Variants in ZC3H3 observed in about 807,000 individuals in gnomAD.
The protein encoded by ZC3H3 is zinc finger CCCH-type containing 3, also known as zinc finger CCCH domain-containing protein 3.
Under a neutral mutation model 77.3 loss-of-function variants are expected in ZC3H3, and 36 were observed. The ratio of observed to expected loss-of-function variants is 0.47; its 90% confidence interval spans 0.36 to 0.61. The LOEUF (loss-of-function observed/expected upper bound fraction) is 0.61, where lower values mean the gene tolerates loss of function less well. ZC3H3 is among the 20% of genes least tolerant of loss of function. ZC3H3 has a pLI of 0.00. For missense variants in ZC3H3, 1,331 were observed against 1,312.2 expected (o/e 1.01, Z -0.22); for synonymous variants, 626 against 555.2 (o/e 1.13, Z -1.79).
intron 4 of ZC3H3, among the ~76,000 whole-genome samples, chr8:143,491,202 C>T (rs746045453): frequency 6.6e-5 from 10 of 152,192 alleles, no homozygotes; most frequent in Non-Finnish European, 1.5e-4. Flanking sequence ...GGGAATTCCA[C>T]GGATCCCACA....
chr8:143,537,625 G>A (rs1822844507), intron 2 of ZC3H3, among the ~76,000 whole-genome samples: 1 of 152,206 alleles, frequency 6.6e-6, no homozygotes, highest in South Asian at 2.1e-4. Flanking sequence ...CATCCCCCTG[G>A]GGACACATGG....
chr8:143,510,062 G>T (rs1821824986), intron 3 of ZC3H3, among the ~76,000 whole-genome samples: 1 of 152,314 alleles, frequency 6.6e-6, no homozygotes, highest in South Asian at 2.1e-4. Flanking sequence ...GCGGCACCAT[G>T]ATCACACTCC....
intron 9 of ZC3H3, among the ~76,000 whole-genome samples, chr8:143,453,849 A>T (rs1820047303): frequency 6.6e-6 from 1 of 152,190 alleles, no homozygotes; most frequent in Non-Finnish European, 1.5e-5. Context: ...AAGGGAGATG[A>T]GGGAAGGTAG....
intron 1 of ZC3H3, among the ~76,000 whole-genome samples, chr8:143,539,831 C>T (rs1408820225): frequency 6.6e-6 from 1 of 152,204 alleles, no homozygotes. Context: ...GAGCAGAGGC[C>T]ATTGCTCTGC....
chr8:143,489,038 C>T (rs953845407), intron 4 of ZC3H3, among the ~76,000 whole-genome samples: 19 of 152,058 alleles, frequency 1.2e-4, no homozygotes, highest in African/African-American at 4.4e-4. Flanking sequence ...CCAGTGGCAG[C>T]GCTGACCCCC....
chr8:143,512,214 TGGCTGTG>T (rs903832355), intron 3 of ZC3H3, among the ~76,000 whole-genome samples: 10 of 152,334 alleles, frequency 6.6e-5, no homozygotes, highest in African/African-American at 1.7e-4. Context: ...GGGTGACGGA[TGGCTGTG>T]GGCTGTGGGC....
chr8:143,539,412 C>T, intron 1 of ZC3H3, 92 bp from the exon 2 acceptor site: 1 of 1,268,302 alleles, frequency 7.9e-7, no homozygotes, highest in Non-Finnish European at 1.1e-6. Flanking sequence ...AAGATACCCC[C>T]AGATCCCATC....
chr8:143,491,006 G>GCGCCGTGC (rs1821185939), intron 4 of ZC3H3, among the ~76,000 whole-genome samples: 1 of 152,266 alleles, frequency 6.6e-6, no homozygotes, highest in Non-Finnish European at 1.5e-5. Context: ...CACCCAGGTA[G>GCGCCGTGC]CGCCGGGTGA....
chr8:143,527,274 G>T (rs1234419773), intron 3 of ZC3H3, among the ~76,000 whole-genome samples: 1 of 152,196 alleles, frequency 6.6e-6, no homozygotes, highest in African/African-American at 2.4e-5. Flanking sequence ...TGACTGGGGG[G>T]ATGTGCCAGC....
At chr8:143,512,812 G>C (rs1216511044) in intron 3 of ZC3H3, among the ~76,000 whole-genome samples, 1 of 152,264 alleles carries the variant, frequency 6.6e-6, no homozygotes, top group Non-Finnish European at 1.5e-5. Context: ...CCACAGAGCA[G>C]AGTTCCCACG....
At chr8:143,439,677 G>A (rs995043759) in intron 11 of ZC3H3, among the ~76,000 whole-genome samples, 8 of 152,210 alleles carry the variant, frequency 5.3e-5, no homozygotes, top group South Asian at 2.1e-4. Context: ...CGCTACACTC[G>A]CACCTTGGCT....
At chr8:143,476,969 G>A (rs1260851169) in intron 4 of ZC3H3, among the ~76,000 whole-genome samples, 2 of 152,230 alleles carry the variant, frequency 1.3e-5, no homozygotes, top group East Asian at 3.9e-4. Context: ...CGCTTGTCTG[G>A]CTGGATGGGG....
At chr8:143,447,835 T>G (rs1487013707) in intron 9 of ZC3H3, among the ~76,000 whole-genome samples, 2 of 152,134 alleles carry the variant, frequency 1.3e-5, no homozygotes, top group Non-Finnish European at 2.9e-5. Flanking sequence ...GCTCAGCCAT[T>G]AGTAACCGGC....
intron 10 of ZC3H3, 139 bp from the exon 11 acceptor site, chr8:143,440,502 C>A: frequency 2.1e-6 from 3 of 1,405,812 alleles, no homozygotes; most frequent in Non-Finnish European, 1.8e-6. Flanking sequence ...ACAGGTCAGG[C>A]CTGGCCCTTG....
intron 9 of ZC3H3, among the ~76,000 whole-genome samples, chr8:143,449,376 C>T (rs565618204): frequency 2.0e-5 from 3 of 152,246 alleles, no homozygotes; most frequent in East Asian, 1.9e-4. Context: ...ATATGAGCAC[C>T]GAATGTCAGA....
Position 143,468,378 on chromosome 8 carries a change from G to C in ZC3H3, c.2105+4C>G. ...CCAGGCCCACAGCGAGGGCAGGAGGGCACCTGGTGCACACGGCCACCTTCT... is the reference window on the plus strand; with the variant it reads ...CCAGGCCCACAGCGAGGGCAGGAGGCCACCTGGTGCACACGGCCACCTTCT... On this transcript the variant is annotated splice_donor_region_variant and intron_variant, in intron 7 of 11. Transcript: ENST00000262577. 1 of 1,612,580 alleles carries C rather than the reference G, an allele frequency of 6.2e-7. No individual in the cohort carries two copies. Among genetic ancestry groups the C allele is most frequent in the Non-Finnish European group, 8.5e-7 (1 of 1,179,714 alleles).
intron 4 of ZC3H3, among the ~76,000 whole-genome samples, chr8:143,482,065 G>A (rs1319394373): frequency 1.3e-5 from 2 of 152,352 alleles, no homozygotes; most frequent in East Asian, 1.9e-4. Context: ...GGGTCCCCTC[G>A]TTCTCAAGAT....
chr8:143,521,932 G>C (rs1434861369), intron 3 of ZC3H3, among the ~76,000 whole-genome samples: 2 of 152,196 alleles, frequency 1.3e-5, no homozygotes, highest in Non-Finnish European at 2.9e-5. Context: ...CAGTGGGCAC[G>C]GCTGCCATGG....
At chr8:143,455,487 C>T (rs1307860756) in intron 9 of ZC3H3, among the ~76,000 whole-genome samples, 1 of 151,772 alleles carries the variant, frequency 6.6e-6, no homozygotes, top group East Asian at 1.9e-4. Flanking sequence ...GGTGACAGAG[C>T]GAGACTCTGC....
Sources: gnomAD v4.1 joint callset for allele counts (sites outside exome capture counted in the v4.1 genomes callset) on GRCh38, gnomAD v4.1.1 for gene constraint, MANE v1.5 for transcripts, NCBI Gene and HGNC (gene_info 2026-07-23, HGNC 2026-07-21) for gene names.